Variants in KATNBL1 observed in about 807,000 individuals in gnomAD.
The protein encoded by KATNBL1 is KATNB1-like protein 1.
In KATNBL1, 28 loss-of-function variants were observed where a neutral mutation model predicts 44.7. The ratio of observed to expected loss-of-function variants is 0.63; its 90% CI spans 0.46 to 0.86. KATNBL1 has a LOEUF of 0.86. Among genes scored for constraint, KATNBL1 ranks in the 40% least tolerant of loss-of-function variants. The probability of loss-of-function intolerance (pLI) is 0.00; values close to 1 mark genes in which losing one functional copy is unlikely to be tolerated. For synonymous variants in KATNBL1, 78 were observed against 114.9 expected, an observed-to-expected ratio of 0.68 and a Z score of 2.06; for missense variants, 272 against 350.7, an observed-to-expected ratio of 0.78 and a Z score of 1.79.
rs961051922 is a variant in KATNBL1 at position 34,141,599 on chromosome 15, G to A, written c.*740C>T. The A allele has an allele frequency of 6.6e-6, 1 of 152,324 alleles. No individual in the cohort carries two copies. Among genetic ancestry groups the A allele is most frequent in the African/African-American group, 2.4e-5 (1 of 41,388 alleles). 9.4% of individuals were successfully genotyped at this position (152,324 alleles called of 1,614,324 possible). A position where few individuals can be genotyped will look rare whatever the true frequency, so the allele number is the denominator to read the frequency against. The stretch of plus-strand genomic sequence containing the variant: ...ATTCATACATGACATGATGATTCTG[G>A]CAAAAAATATCAGAGATACTAAAAC... On this transcript the variant is annotated 3_prime_UTR_variant, in exon 10 of 10. Coordinates refer to ENST00000256544, the MANE Select transcript of KATNBL1 (RefSeq NM_024713.3).
chr15:34,178,889 C>CA (rs1423639734), intron 1 of KATNBL1, among the ~76,000 whole-genome samples: 4 of 151,978 alleles, frequency 2.6e-5, no homozygotes, highest in African/African-American at 9.7e-5. Context: ...ATTCAGTTGC[C>CA]AGACTCTCAA....
At chr15:34,181,631 CATATATATACACATATATATGTCCAT>C (rs1283022455) in intron 1 of KATNBL1, among the ~76,000 whole-genome samples, 2 of 114,414 alleles carry the variant, frequency 1.7e-5, no homozygotes, top group African/African-American at 6.4e-5. Context: ...TATATATGTC[CATATATATACACATATATATGTCCAT>C]ATATATATCC....
intron 1 of KATNBL1, among the ~76,000 whole-genome samples, chr15:34,207,531 G>A (rs1890325904): frequency 6.6e-6 from 1 of 152,144 alleles, no homozygotes; most frequent in Non-Finnish European, 1.5e-5. Flanking sequence ...TAGAGATGGA[G>A]TCTTGGTATG....
At chr15:34,188,169 A>AAAAAAAAAAAAAAAAAAAAAAAC (rs1363128311) in intron 1 of KATNBL1, among the ~76,000 whole-genome samples, 2 of 149,274 alleles carry the variant, frequency 1.3e-5, no homozygotes, top group Non-Finnish European at 3.0e-5. Flanking sequence ...AAAAAAAGAA[A>AAAAAAAAAAAAAAAAAAAAAAAC]ATTCACAAAT....
chr15:34,154,160 T>C (rs1476863612), intron 3 of KATNBL1, among the ~76,000 whole-genome samples: 4 of 152,196 alleles, frequency 2.6e-5, no homozygotes, highest in Admixed American at 6.5e-5. Context: ...AAAATTATAT[T>C]GTACCCTCAA....
chr15:34,188,164 A>AAAAAAAAAAAAAAAAAAAAAT (rs1889775032), intron 1 of KATNBL1, among the ~76,000 whole-genome samples: 1 of 144,232 alleles, frequency 6.9e-6, no homozygotes. Context: ...AAAAAAAAAA[A>AAAAAAAAAAAAAAAAAAAAAT]AGAAAATTCA....
At chr15:34,174,818 T>G (rs1312688046) in intron 1 of KATNBL1, among the ~76,000 whole-genome samples, 4 of 152,080 alleles carry the variant, frequency 2.6e-5, no homozygotes, top group African/African-American at 9.7e-5. Context: ...ATTTTTCTAT[T>G]TTTAGTCGAG....
chr15:34,190,572 T>C (rs527265625), intron 1 of KATNBL1, among the ~76,000 whole-genome samples: 1 of 152,344 alleles, frequency 6.6e-6, no homozygotes, highest in Admixed American at 6.5e-5. Flanking sequence ...TTTCCAGTTC[T>C]TCTCCAGATA....
chr15:34,188,689 G>A (rs1889792465), intron 1 of KATNBL1, among the ~76,000 whole-genome samples: 1 of 152,196 alleles, frequency 6.6e-6, no homozygotes, highest in African/African-American at 2.4e-5. Flanking sequence ...CTCCTGCTCT[G>A]CTTCATATTG....
intron 2 of KATNBL1, among the ~76,000 whole-genome samples, chr15:34,161,883 G>T (rs1888819378): frequency 6.6e-6 from 1 of 152,080 alleles, no homozygotes; most frequent in Non-Finnish European, 1.5e-5. Flanking sequence ...GAATGAGGAA[G>T]TTAAACTTTA....
intron 1 of KATNBL1, among the ~76,000 whole-genome samples, chr15:34,173,728 T>C (rs1329302102): frequency 1.3e-5 from 2 of 152,144 alleles, no homozygotes; most frequent in Non-Finnish European, 2.9e-5. Context: ...TAATTTATAA[T>C]AACTACTTGG....
In KATNBL1 at chr15:34,184,576, C is replaced by CTTTTCTTTTTTTTTTTT. The variant is rs760395860; in HGVS notation, c.-14-20887_-14-20886insAAAAAAAAAAAAGAAAA. On this transcript the variant is annotated intron_variant, in intron 1 of 9. Transcript: ENST00000256544. The stretch of plus-strand genomic sequence containing the variant: ...ATACTTCCTGTCTCTCCTAATGTTT[C>CTTTTCTTTTTTTTTTTT]TTTTTTTTTTTTTTGAGACAGAGTC... 4.5e-4 allele frequency among the ~76,000 whole-genome samples: 43 copies of CTTTTCTTTTTTTTTTTT among 95,252 alleles called. 2 individuals are homozygous for CTTTTCTTTTTTTTTTTT. The highest frequency in any genetic ancestry group is 1.0e-3 in the African/African-American group (26 of 25,534). 62.5% of individuals were successfully genotyped at this position (95,252 alleles called of 152,430 possible).
intron 1 of KATNBL1, among the ~76,000 whole-genome samples, chr15:34,183,430 C>T (rs554565277): frequency 5.9e-5 from 9 of 152,242 alleles, no homozygotes; most frequent in East Asian, 5.8e-4. Context: ...AAGACTCATC[C>T]GAATTTTTAA....
At chr15:34,166,260 G>C (rs1888968954) in intron 1 of KATNBL1, 1 of 152,350 alleles carries the variant, frequency 6.6e-6, no homozygotes, top group Non-Finnish European at 1.5e-5. Context: ...AATGGTCTTA[G>C]CAAATGGCAG....
chr15:34,149,880 A>AAAC (rs1208315790), intron 4 of KATNBL1, among the ~76,000 whole-genome samples: 4 of 152,236 alleles, frequency 2.6e-5, no homozygotes, highest in Non-Finnish European at 5.9e-5. Context: ...CATCTCTTAA[A>AAAC]AACAACAACA....
In KATNBL1 at chr15:34,141,719, G is replaced by C. The variant is rs1888155193; in HGVS notation, c.*620C>G. 1 of 152,584 alleles carries C rather than the reference G, an allele frequency of 6.6e-6. No homozygotes were observed. Among genetic ancestry groups the C allele is most frequent in the African/African-American group, 2.4e-5 (1 of 41,454 alleles). The allele number at this position is 152,584 out of a possible 1,614,324, so 9.5% of individuals were successfully genotyped here. On this transcript the variant is annotated 3_prime_UTR_variant, in exon 10 of 10. Coordinates refer to ENST00000256544, the MANE Select transcript of KATNBL1 (RefSeq NM_024713.3). Reference sequence around the variant, plus strand: ...TTAATTCCATGATTTTATCATGCCAGAAGCATGGTTGGTTTTAGTTTTTTA... The same window carrying C: ...TTAATTCCATGATTTTATCATGCCACAAGCATGGTTGGTTTTAGTTTTTTA...
intron 1 of KATNBL1, among the ~76,000 whole-genome samples, chr15:34,171,919 C>T (rs914346656): frequency 1.4e-5 from 2 of 144,846 alleles, no homozygotes; most frequent in African/African-American, 5.2e-5. Context: ...GGGAACATCA[C>T]ACACCAGGGC....
chr15:34,145,044 TTA>T, intron 9 of KATNBL1: 2 of 999,244 alleles, frequency 2.0e-6, no homozygotes, highest in Non-Finnish European at 2.4e-6. Context: ...AACCATTTAA[TTA>T]TGTTTCTTAT....
chr15:34,146,840 C>A lies in KATNBL1; in HGVS notation c.709G>T (p.Val237Phe), dbSNP rs1423284802. 6.3e-7 allele frequency: 1 copy of A among 1,592,120 alleles called. No individual in the cohort carries two copies. Among genetic ancestry groups the A allele is most frequent in the South Asian group, 1.1e-5 (1 of 90,336 alleles). ...ACTGCTTGAAGCCAGTTTAAACCAA[C>A]TATAACATATCTGAAATGACATTTT... ...LKSKFEEYVI[V>F]GLNWLQAVIK... The change falls in exon 8 of 10, where the codon GTT becomes TTT. Residue 237 changes from valine (V) to phenylalanine (F), a missense_variant. Physicochemically the swap from Val to Phe is conservative, Grantham distance 50. Transcript: ENST00000256544.
Sources: allele counts gnomAD v4.1 joint callset (sites outside exome capture counted in the v4.1 genomes callset), GRCh38; gene constraint gnomAD v4.1.1; transcripts MANE v1.5; gene names NCBI Gene and HGNC (gene_info 2026-07-23, HGNC 2026-07-21).